EPHA6: variants seen among roughly 807,000 people sequenced by gnomAD.
EPHA6 encodes ephrin type-A receptor 6.
A neutral mutation model predicts 112.0 loss-of-function variants in EPHA6; 50 were observed. The observed-to-expected ratio is 0.45, with a 90% confidence interval of 0.36 to 0.56. The LOEUF (loss-of-function observed/expected upper bound fraction) is 0.56, where lower values mean the gene tolerates loss of function less well. Ranked by LOEUF, EPHA6 falls within the 20% of genes least tolerant of loss-of-function variation. EPHA6 has a pLI of 0.00. For synonymous variants in EPHA6, 529 were observed against 490.7 expected (o/e 1.08, Z -1.03); for missense variants, 1,280 against 1,417.4 (o/e 0.90, Z 1.56).
At chr3:97,164,193 G>A (rs895035346) in intron 3 of EPHA6, among the ~76,000 whole-genome samples, 1 of 152,142 alleles carries the variant, frequency 6.6e-6, no homozygotes, top group Admixed American at 6.6e-5. Flanking sequence ...ATAAGTAGTG[G>A]AATAGGAGTA....
At chr3:96,870,921 G>C (rs1331095819) in intron 2 of EPHA6, among the ~76,000 whole-genome samples, 1 of 151,976 alleles carries the variant, frequency 6.6e-6, no homozygotes, top group Non-Finnish European at 1.5e-5. Context: ...CATAGTAGAA[G>C]ATTTCAGTAT....
chr3:97,488,737 A>G (rs2091760643), intron 10 of EPHA6, among the ~76,000 whole-genome samples: 1 of 152,194 alleles, frequency 6.6e-6, no homozygotes, highest in African/African-American at 2.4e-5. Context: ...CTTAGAAATG[A>G]GATTCATTCT....
chr3:96,941,189 A>C (rs992045044), intron 2 of EPHA6, among the ~76,000 whole-genome samples: 3 of 152,146 alleles, frequency 2.0e-5, no homozygotes, highest in Non-Finnish European at 4.4e-5. Context: ...TATCCTGCAG[A>C]GTGTTTTCCA....
chr3:97,492,578 A>C (rs1260629225), intron 10 of EPHA6, among the ~76,000 whole-genome samples: 1 of 120,860 alleles, frequency 8.3e-6, no homozygotes, highest in Non-Finnish European at 1.7e-5. Context: ...AAAAAAAAAA[A>C]AAAAAAAAAA....
intron 14 of EPHA6, among the ~76,000 whole-genome samples, chr3:97,685,813 T>C (rs1334080225): frequency 1.3e-5 from 2 of 152,150 alleles, no homozygotes; most frequent in South Asian, 2.1e-4. Flanking sequence ...TGGTAATATA[T>C]AGGAGAACTG....
rs1431859597 is a variant in EPHA6 at position 96,988,592 on chromosome 3, AT to A, written c.1114+603del. On this transcript the variant is annotated intron_variant, in intron 3 of 17. Transcript: ENST00000389672. Reference sequence around the variant, plus strand: ...TTAAATAAATGAGGGATTCATGTATATTTTATTTCAAAAATGTATAAGCTAG... The same window carrying A: ...TTAAATAAATGAGGGATTCATGTATATTTATTTCAAAAATGTATAAGCTAG... 5.3e-5 allele frequency among the ~76,000 whole-genome samples: 8 copies of A among 152,244 alleles called. No individual in the cohort carries two copies. The East Asian group carries it at 1.5e-3, about 29-fold the overall frequency.
chr3:97,131,766 T>G (rs978949431), intron 3 of EPHA6, among the ~76,000 whole-genome samples: 1 of 152,138 alleles, frequency 6.6e-6, no homozygotes, highest in Admixed American at 6.6e-5. Context: ...CTTGCTGTAC[T>G]GTTATTGCTA....
At chr3:97,072,445 T>G (rs2046389951) in intron 3 of EPHA6, among the ~76,000 whole-genome samples, 2 of 151,878 alleles carry the variant, frequency 1.3e-5, no homozygotes. Flanking sequence ...ACTAAGAAAC[T>G]AGGAGGGAGG....
intron 3 of EPHA6, among the ~76,000 whole-genome samples, chr3:97,101,439 T>C (rs1467398078): frequency 6.6e-6 from 1 of 152,048 alleles, no homozygotes; most frequent in African/African-American, 2.4e-5. Context: ...AGTGACTTTA[T>C]TTAATTTCCA....
intron 14 of EPHA6, among the ~76,000 whole-genome samples, chr3:97,695,500 A>G (rs575931310): frequency 2.0e-5 from 3 of 152,328 alleles, no homozygotes; most frequent in Non-Finnish European, 4.4e-5. Context: ...GAAGCTATCT[A>G]TTGTAAGACC....
intron 5 of EPHA6, among the ~76,000 whole-genome samples, chr3:97,322,202 T>C (rs889170672): frequency 3.3e-5 from 5 of 152,110 alleles, no homozygotes; most frequent in African/African-American, 1.2e-4. Context: ...TGCTAAGCTA[T>C]GCAAAATATC....
chr3:97,113,874 AT>A (rs1173449300), intron 3 of EPHA6, among the ~76,000 whole-genome samples: 3 of 152,106 alleles, frequency 2.0e-5, no homozygotes, highest in African/African-American at 7.2e-5. Flanking sequence ...CAAAAACAAT[AT>A]TTTATGCATA....
chr3:96,958,675 T>C (rs1315148245), intron 2 of EPHA6, among the ~76,000 whole-genome samples: 1 of 152,206 alleles, frequency 6.6e-6, no homozygotes, highest in East Asian at 1.9e-4. Context: ...ATCTACTTTC[T>C]GTTTTTATAG....
intron 14 of EPHA6, among the ~76,000 whole-genome samples, chr3:97,655,334 A>G (rs942721355): frequency 6.6e-6 from 1 of 151,682 alleles, no homozygotes; most frequent in Non-Finnish European, 1.5e-5. Context: ...AGTAGTTTCC[A>G]CTGCAAATTC....
chr3:96,846,587 A>G (rs532689661), intron 1 of EPHA6, among the ~76,000 whole-genome samples: 3 of 152,186 alleles, frequency 2.0e-5, no homozygotes, highest in East Asian at 1.9e-4. Context: ...GTAATTTTGT[A>G]TATTTGATAT....
intron 13 of EPHA6, among the ~76,000 whole-genome samples, chr3:97,620,459 C>T (rs1255640494): frequency 6.6e-6 from 1 of 151,948 alleles, no homozygotes; most frequent in African/African-American, 2.4e-5. Flanking sequence ...GCAAAAGAAA[C>T]TATTATCAGA....
intron 3 of EPHA6, among the ~76,000 whole-genome samples, chr3:97,064,152 A>C (rs570897376): frequency 6.6e-5 from 10 of 152,204 alleles, no homozygotes; most frequent in Non-Finnish European, 1.3e-4. Context: ...GCTAAATCTA[A>C]GGAAGAAAAC....
intron 3 of EPHA6, among the ~76,000 whole-genome samples, chr3:97,168,851 A>T (rs568010910): frequency 6.6e-6 from 1 of 152,288 alleles, no homozygotes; most frequent in South Asian, 2.1e-4. Flanking sequence ...ATTGCTATAA[A>T]GATACCTGAA....
chr3:97,618,719 T>C (rs1024799677), intron 13 of EPHA6, among the ~76,000 whole-genome samples: 4 of 152,002 alleles, frequency 2.6e-5, no homozygotes, highest in African/African-American at 4.8e-5. Context: ...CAGGAAGAAA[T>C]TGAATCCCTT....
Sources: gnomAD v4.1 joint callset for allele counts (sites outside exome capture counted in the v4.1 genomes callset) on GRCh38, gnomAD v4.1.1 for gene constraint, MANE v1.5 for transcripts, NCBI Gene and HGNC (gene_info 2026-07-23, HGNC 2026-07-21) for gene names.